Variants in RPA3 observed in about 807,000 individuals in gnomAD.
RPA3 encodes replication protein A3.
RPA3 carries 24 observed loss-of-function variants against 13.7 expected under a neutral mutation model. That is an observed-to-expected ratio of 1.75 (90% CI 1.27 to 2.46). The LOEUF (loss-of-function observed/expected upper bound fraction) is 2.46. RPA3 is among the 30% of genes most tolerant of loss of function. The pLI is 0.00. For synonymous variants in RPA3, 59 were observed against 51.2 expected (o/e 1.15, Z -0.65); for missense variants, 183 against 151.0 (o/e 1.21, Z -1.11).
chr7:7,664,751 G>A (rs796967200), intron 4 of RPA3, among the ~76,000 whole-genome samples: 9 of 152,252 alleles, frequency 5.9e-5, no homozygotes, highest in African/African-American at 2.2e-4. Context: ...TTCTAGCGTT[G>A]TTTTAGGTTG....
intron 2 of RPA3, among the ~76,000 whole-genome samples, chr7:7,702,759 C>T (rs1404785646): frequency 6.6e-6 from 1 of 152,004 alleles, no homozygotes; most frequent in Non-Finnish European, 1.5e-5. Flanking sequence ...TTTGACAAGC[C>T]ACTCCATCTG....
intron 2 of RPA3, among the ~76,000 whole-genome samples, chr7:7,706,153 T>C (rs1419175343): frequency 6.6e-6 from 1 of 152,202 alleles, no homozygotes; most frequent in Non-Finnish European, 1.5e-5. Flanking sequence ...TTGTGTATGT[T>C]GACTGATTTG....
chr7:7,671,922 T>C (rs1172033882), intron 4 of RPA3, among the ~76,000 whole-genome samples: 1 of 152,208 alleles, frequency 6.6e-6, no homozygotes, highest in Non-Finnish European at 1.5e-5. Context: ...GTTTTTCTTC[T>C]CCATTTTGAA....
chr7:7,643,140 G>A (rs952365355), intron 4 of RPA3, among the ~76,000 whole-genome samples: 1 of 152,220 alleles, frequency 6.6e-6, no homozygotes, highest in East Asian at 1.9e-4. Context: ...ATTCTGCAGC[G>A]CCAGGGAGAG....
intron 4 of RPA3, among the ~76,000 whole-genome samples, chr7:7,666,083 G>C (rs1333644458): frequency 6.6e-6 from 1 of 152,142 alleles, no homozygotes; most frequent in Non-Finnish European, 1.5e-5. Flanking sequence ...CTGCCAAACT[G>C]TTGTCCACAG....
intron 2 of RPA3, among the ~76,000 whole-genome samples, chr7:7,699,055 G>T (rs1028038149): frequency 2.7e-5 from 4 of 150,890 alleles, no homozygotes; most frequent in Admixed American, 6.6e-5. Context: ...TGTGTGGGGG[G>T]GGGGTAGATA....
chr7:7,656,936 G>A (rs1358787385), intron 4 of RPA3, among the ~76,000 whole-genome samples: 1 of 152,142 alleles, frequency 6.6e-6, no homozygotes, highest in Non-Finnish European at 1.5e-5. Context: ...CACCAACAGT[G>A]TTAAAAGCCT....
chr7:7,684,804 G>C (rs543404692), intron 4 of RPA3, among the ~76,000 whole-genome samples: 2 of 152,278 alleles, frequency 1.3e-5, no homozygotes, highest in South Asian at 2.1e-4. Context: ...TTAAAAATCA[G>C]ACTAACGCAT....
chr7:7,645,973 G>A (rs1213021013), intron 4 of RPA3, among the ~76,000 whole-genome samples: 1 of 152,078 alleles, frequency 6.6e-6, no homozygotes, highest in Non-Finnish European at 1.5e-5. Flanking sequence ...TCGTTTGCTC[G>A]GCTGCCGTGT....
At chr7:7,660,070 C>T (rs1268504460) in intron 4 of RPA3, among the ~76,000 whole-genome samples, 1 of 152,124 alleles carries the variant, frequency 6.6e-6, no homozygotes, top group Non-Finnish European at 1.5e-5. Context: ...CTTTTTGTCT[C>T]TTTTGATCTT....
At chr7:7,644,417 A>G (rs1486520420) in intron 4 of RPA3, among the ~76,000 whole-genome samples, 1 of 150,684 alleles carries the variant, frequency 6.6e-6, no homozygotes, top group African/African-American at 2.5e-5. Context: ...CCTTAAGTTT[A>G]ATGTAGGAGA....
At chr7:7,702,995 A>G (rs1241827161) in intron 2 of RPA3, among the ~76,000 whole-genome samples, 1 of 152,218 alleles carries the variant, frequency 6.6e-6, no homozygotes, top group Admixed American at 6.5e-5. Flanking sequence ...CCTTGAAGCC[A>G]TGCGAGCAGG....
At chr7:7,661,604 A>C (rs1339704947) in intron 4 of RPA3, among the ~76,000 whole-genome samples, 2 of 152,148 alleles carry the variant, frequency 1.3e-5, no homozygotes, top group African/African-American at 4.8e-5. Context: ...GGTCCAGTCG[A>C]GACCCTGTTT....
intron 4 of RPA3, among the ~76,000 whole-genome samples, chr7:7,656,851 A>G (rs955371382): frequency 1.1e-4 from 17 of 152,140 alleles, no homozygotes. Context: ...TGCTGGGTCA[A>G]ATGGTATTTC....
At chr7:7,702,444 G>C (rs530039207) in intron 2 of RPA3, among the ~76,000 whole-genome samples, 1 of 152,188 alleles carries the variant, frequency 6.6e-6, no homozygotes, top group African/African-American at 2.4e-5. Flanking sequence ...GAAAATTCTG[G>C]TTGGGGAGGC....
chr7:7,707,606 T>C (rs1050894162), intron 2 of RPA3, among the ~76,000 whole-genome samples: 1 of 152,200 alleles, frequency 6.6e-6, no homozygotes, highest in African/African-American at 2.4e-5. Context: ...TTCATAAAGC[T>C]AACAAATAAT....
intron 4 of RPA3, among the ~76,000 whole-genome samples, chr7:7,651,304 T>A (rs10261338): frequency 0.058 from 8,774 of 152,228 alleles, 828 homozygotes; most frequent in African/African-American, 0.2. Context: ...GCAGGACTTG[T>A]GACAAGGGTG....
At chr7:7,713,478 T>A (rs1780817187) in intron 2 of RPA3, among the ~76,000 whole-genome samples, 1 of 151,932 alleles carries the variant, frequency 6.6e-6, no homozygotes, top group South Asian at 2.1e-4. Context: ...CTCCCCCCCA[T>A]GGCAATATTG....
chr7:7,712,902 A>G (rs560952561), intron 2 of RPA3, among the ~76,000 whole-genome samples: 1 of 152,292 alleles, frequency 6.6e-6, no homozygotes, highest in South Asian at 2.1e-4. Context: ...TTTGATTTTA[A>G]TAGAATTCAC....
Sources: gnomAD v4.1 joint callset for allele counts (sites outside exome capture counted in the v4.1 genomes callset) on GRCh38, gnomAD v4.1.1 for gene constraint, MANE v1.5 for transcripts, NCBI Gene and HGNC (gene_info 2026-07-23, HGNC 2026-07-21) for gene names.